Variants in ZNF100 observed in about 807,000 individuals in gnomAD.
The protein encoded by ZNF100 is zinc finger protein 100.
A neutral mutation model predicts 15.8 loss-of-function variants in ZNF100; 12 were observed. The ratio of observed to expected loss-of-function variants is 0.76; its 90% CI spans 0.49 to 1.23. The LOEUF (loss-of-function observed/expected upper bound fraction) is 1.23, where lower values mean the gene tolerates loss of function less well. Ranked by LOEUF, ZNF100 falls within the 50% of genes most tolerant of loss-of-function variation. ZNF100 has a pLI of 0.00. For synonymous variants in ZNF100, 226 were observed against 214.8 expected, an observed-to-expected ratio of 1.05 and a Z score of -0.45; for missense variants, 670 against 635.6, an observed-to-expected ratio of 1.05 and a Z score of -0.58.
At chr19:21,733,466 T>C (rs183381515) in intron 4 of ZNF100, among the ~76,000 whole-genome samples, 23 of 152,148 alleles carry the variant, frequency 1.5e-4, no homozygotes, top group African/African-American at 5.5e-4. Context: ...CTGGAAAGTA[T>C]GCAAAACAAA....
At chr19:21,763,283 T>A (rs929889074) in intron 2 of ZNF100, among the ~76,000 whole-genome samples, 1 of 99,376 alleles carries the variant, frequency 1.0e-5, no homozygotes, top group Non-Finnish European at 2.1e-5. Flanking sequence ...CTGCACATAT[T>A]TTTTCTTTTT....
intron 2 of ZNF100, among the ~76,000 whole-genome samples, chr19:21,757,077 T>C (rs182413220): frequency 6.6e-6 from 1 of 152,076 alleles, no homozygotes; most frequent in East Asian, 1.9e-4. Context: ...AAGGTGGGTG[T>C]GGATCAGTTG....
intron 1 of ZNF100, 85 bp downstream of exon 1, chr19:21,767,342 G>C (rs1382367284): frequency 3.7e-6 from 6 of 1,605,740 alleles, no homozygotes; most frequent in Non-Finnish European, 5.1e-6. Flanking sequence ...ACTGCGGAGA[G>C]GCCTGAGTCC....
At chr19:21,741,183 T>A (rs1417946532) in intron 4 of ZNF100, among the ~76,000 whole-genome samples, 1 of 152,218 alleles carries the variant, frequency 6.6e-6, no homozygotes, top group African/African-American at 2.4e-5. Flanking sequence ...ATTCCACTTA[T>A]ATGAGATATC....
intron 4 of ZNF100, among the ~76,000 whole-genome samples, chr19:21,743,801 A>G (rs2036161188): frequency 6.7e-6 from 1 of 149,760 alleles, no homozygotes; most frequent in African/African-American, 2.5e-5. Context: ...AGGAAAGTAG[A>G]ATCTTTAAAG....
chr19:21,750,982 T>C (rs1434027415), intron 2 of ZNF100: 9 of 1,113,730 alleles, frequency 8.1e-6, no homozygotes, highest in African/African-American at 3.1e-5. Flanking sequence ...TAGCGCCCGC[T>C]TCTGTGGAGC....
intron 2 of ZNF100, chr19:21,751,683 A>T (rs2036309129): frequency 8.1e-7 from 1 of 1,239,870 alleles, no homozygotes; most frequent in Non-Finnish European, 1.2e-6. Context: ...GAGCTTCTTC[A>T]GTTTAATATT....
At chr19:21,761,496 G>C (rs1038858064) in intron 2 of ZNF100, among the ~76,000 whole-genome samples, 1 of 151,906 alleles carries the variant, frequency 6.6e-6, no homozygotes, top group Non-Finnish European at 1.5e-5. Flanking sequence ...ATTATACCTT[G>C]TCTACACAGC....
intron 2 of ZNF100, chr19:21,752,850 T>TG (rs776207459): frequency 1.7e-4 from 26 of 152,066 alleles, no homozygotes; most frequent in Non-Finnish European, 3.2e-4. Flanking sequence ...CTTTAAGAGA[T>TG]GGGGGTCTTG....
At chr19:21,734,286 C>T (rs567071782) in intron 4 of ZNF100, among the ~76,000 whole-genome samples, 32 of 152,128 alleles carry the variant, frequency 2.1e-4, no homozygotes, top group Admixed American at 1.9e-3. Flanking sequence ...GAAGCATGTT[C>T]TAACCCAATG....
chr19:21,749,906 A>G (rs1315530734), intron 2 of ZNF100, among the ~76,000 whole-genome samples: 1 of 152,216 alleles, frequency 6.6e-6, no homozygotes, highest in Non-Finnish European at 1.5e-5. Flanking sequence ...TCCTAGGCAG[A>G]GGCCAGACCT....
intron 4 of ZNF100, among the ~76,000 whole-genome samples, chr19:21,741,517 G>T (rs749309815): frequency 1.5e-4 from 23 of 152,138 alleles, no homozygotes; most frequent in East Asian, 1.9e-4. Flanking sequence ...TGGGATTACA[G>T]GCACCTGTCA....
Position 21,727,660 on chromosome 19 carries a change from A to T in ZNF100, c.652T>A (p.Leu218Ile), listed in dbSNP as rs1382071877. The change falls in exon 5 of 5, where the codon TTA becomes ATA. Residue 218 changes from leucine to isoleucine, a missense_variant. Leu to Ile is a conservative substitution (Grantham distance 5, BLOSUM62 2). Transcript: ENST00000358296. ...KKCEKSFCML[L>I]HLTQHKRFHI... ...AATCTTTTATGTTGAGTTAGGTGTA[A>T]AAGCATGCAAAATGATTTTTCACAT... is the stretch of plus-strand genomic sequence containing the variant. 1.1e-5 allele frequency: 17 copies of T among 1,613,006 alleles called. No homozygotes were observed. The South Asian group carries it at 1.9e-4, about 18-fold the overall frequency.
intron 4 of ZNF100, among the ~76,000 whole-genome samples, chr19:21,736,354 G>A (rs1156264345): frequency 6.6e-6 from 1 of 152,146 alleles, no homozygotes; most frequent in African/African-American, 2.4e-5. Flanking sequence ...CAAAATGCTG[G>A]CATTACAGGC....
intron 2 of ZNF100, among the ~76,000 whole-genome samples, chr19:21,755,673 G>A (rs1012555709): frequency 6.6e-6 from 1 of 152,074 alleles, no homozygotes; most frequent in African/African-American, 2.4e-5. Context: ...CAAAGACATG[G>A]AGCCAACCCA....
In ZNF100 at chr19:21,745,046, C is replaced by T; in HGVS notation, c.118G>A (p.Val40Met). The T allele has an allele frequency of 1.9e-6, 3 of 1,613,078 alleles. No individual in the cohort carries two copies. The highest frequency in any genetic ancestry group is 2.7e-5 in the African/African-American group (2 of 74,960). The change falls in exon 3 of 5, where the codon GTG becomes ATG. Residue 40 changes from valine (V) to methionine (M), a missense_variant. By Grantham distance (21) the Val-to-Met change is conservative (BLOSUM62 1). Transcript: ENST00000358296. The stretch of plus-strand genomic sequence containing the variant: ...TCCTCCAGAGAGAATTCTATGGCCA[C>T]ATCCCTAAACGTCAATGGCCCCTGA... ...FEKGPLTFRD[V>M]AIEFSLEEWQ...
chr19:21,731,306 T>TTTTTTTA (rs1364169156), intron 4 of ZNF100, among the ~76,000 whole-genome samples: 1 of 147,722 alleles, frequency 6.8e-6, no homozygotes, highest in Non-Finnish European at 1.5e-5. Flanking sequence ...TCTTTCCTTT[T>TTTTTTTA]TTTTTTATTT....
At chr19:21,735,365 G>A (rs1167552342) in intron 4 of ZNF100, among the ~76,000 whole-genome samples, 2 of 152,008 alleles carry the variant, frequency 1.3e-5, no homozygotes, top group South Asian at 2.1e-4. Context: ...GTGGTGGTGG[G>A]TGCCTGTAGT....
At chr19:21,756,267 G>A (rs895015821) in intron 2 of ZNF100, among the ~76,000 whole-genome samples, 1 of 151,948 alleles carries the variant, frequency 6.6e-6, no homozygotes, top group Non-Finnish European at 1.5e-5. Flanking sequence ...ATACTAAATG[G>A]ACACAAGTGA....
Sources: gnomAD v4.1 joint callset for allele counts (sites outside exome capture counted in the v4.1 genomes callset) on GRCh38, gnomAD v4.1.1 for gene constraint, MANE v1.5 for transcripts, NCBI Gene and HGNC (gene_info 2026-07-23, HGNC 2026-07-21) for gene names.